ZNF521: variants seen among roughly 807,000 people sequenced by gnomAD.
ZNF521 encodes the protein zinc finger protein 521, also known as LYST-interacting protein 3.
A neutral mutation model predicts 105.5 loss-of-function variants in ZNF521; 14 were observed. The observed-to-expected ratio is 0.13, with a 90% CI of 0.09 to 0.21. The LOEUF is 0.21. Among genes scored for constraint, ZNF521 ranks in the 10% least tolerant of loss-of-function variants. The probability of loss-of-function intolerance (pLI) is 1.00; values close to 1 mark genes in which losing one functional copy is unlikely to be tolerated. For synonymous variants in ZNF521, 635 were observed against 606.0 expected (o/e 1.05, Z -0.70); for missense variants, 1,233 against 1,629.7 (o/e 0.76, Z 4.19).
At chr18:25,116,918 T>TATATGTGTATATATA (rs1567968550) in intron 5 of ZNF521, among the ~76,000 whole-genome samples, 2 of 139,348 alleles carry the variant, frequency 1.4e-5, no homozygotes, top group Non-Finnish European at 3.0e-5. Flanking sequence ...TATACGTATA[T>TATATGTGTATATATA]CTATGTATAT....
chr18:25,304,942 C>A (rs942830191), intron 3 of ZNF521, among the ~76,000 whole-genome samples: 1 of 152,204 alleles, frequency 6.6e-6, no homozygotes, highest in Non-Finnish European at 1.5e-5. Flanking sequence ...ACTCACATTT[C>A]TTTTGTGCCC....
At chr18:25,274,986 G>A (rs1255934733) in intron 3 of ZNF521, among the ~76,000 whole-genome samples, 1 of 152,096 alleles carries the variant, frequency 6.6e-6, no homozygotes, top group Non-Finnish European at 1.5e-5. Context: ...GCGGGTGGAG[G>A]GAACAGAAAT....
At chr18:25,206,152 A>G (rs1324997895) in intron 4 of ZNF521, among the ~76,000 whole-genome samples, 1 of 151,976 alleles carries the variant, frequency 6.6e-6, no homozygotes, top group Non-Finnish European at 1.5e-5. Context: ...TACAGGCATG[A>G]GCTACCTCGC....
chr18:25,157,338 G>A lies in ZNF521; in HGVS notation c.3658+37822C>T, dbSNP rs563619237. ...TGTTTAAAAAAGTCTACGATTTAGTGTGGTCAAGTTTATGAGGAATGGGTA... is the reference window on the plus strand; with the variant it reads ...TGTTTAAAAAAGTCTACGATTTAGTATGGTCAAGTTTATGAGGAATGGGTA... On this transcript the variant is annotated intron_variant, in intron 5 of 7. Coordinates refer to ENST00000361524, the MANE Select transcript of ZNF521 (RefSeq NM_015461.3). Among the ~76,000 whole-genome samples the A allele has an allele frequency of 3.0e-3, 459 of 152,314 alleles. 4 individuals carry two copies. Among genetic ancestry groups the A allele is most frequent in the Non-Finnish European group, 5.4e-3 (365 of 68,012 alleles).
chr18:25,254,650 C>T (rs1217082602), intron 3 of ZNF521, among the ~76,000 whole-genome samples: 1 of 152,048 alleles, frequency 6.6e-6, no homozygotes, highest in Non-Finnish European at 1.5e-5. Flanking sequence ...ATCTCCTAGA[C>T]ATAAAAGAAG....
chr18:25,062,545 C>A lies in ZNF521; in HGVS notation c.*167G>T. ...ATATACAAGGGGTCTATCCGGTGCG[C>A]AAAAGTTCAAACACATGAACATCCA... On this transcript the variant is annotated 3_prime_UTR_variant, in exon 8 of 8. Transcript: ENST00000361524. 1 of 914,958 alleles carries A rather than the reference C, an allele frequency of 1.1e-6. No homozygotes were observed. The highest frequency in any genetic ancestry group is 1.5e-5 in the South Asian group (1 of 65,114). The allele number at this position is 914,958 out of a possible 1,614,324, so 56.7% of individuals were successfully genotyped here. A position where few individuals can be genotyped will look rare whatever the true frequency, so the allele number is the denominator to read the frequency against.
intron 3 of ZNF521, among the ~76,000 whole-genome samples, chr18:25,312,462 T>C (rs1009659956): frequency 6.6e-6 from 1 of 152,156 alleles, no homozygotes; most frequent in Admixed American, 6.5e-5. Context: ...TAGGTAATGA[T>C]TGAACTGACC....
chr18:25,226,831 G>A lies in ZNF521; in HGVS notation c.1087C>T (p.Leu363Phe), dbSNP rs555923496. Residue 363 changes from leucine (L) to phenylalanine (F), a missense_variant, in exon 4 of 8, where the codon CTC (leucine) becomes TTC (phenylalanine). By Grantham distance (22) the Leu-to-Phe change is conservative. Around this residue, in one of 6 missense-constraint regions of ZNF521, gnomAD observed 380 missense variants for 478.0 expected, o/e 0.80. Coordinates refer to ENST00000361524, the MANE Select transcript of ZNF521 (RefSeq NM_015461.3). This position sits in a 1 kb window ranked among gnomAD's most constrained non-coding sequence, Gnocchi z 4.1. Reference sequence around the variant, plus strand: ...ACCATGGTTGAGCTGTCCACTGAGAGGTTGGAATCTGGAGTCGTACTGGAC... The same window carrying A: ...ACCATGGTTGAGCTGTCCACTGAGAAGTTGGAATCTGGAGTCGTACTGGAC... ...SVSSTTPDSN[L>F]SVDSSTMVEA... 1.2e-6 allele frequency: 2 copies of A among 1,614,056 alleles called. No homozygotes were observed. Among genetic ancestry groups the A allele is most frequent in the African/African-American group, 1.3e-5 (1 of 75,016 alleles).
At chr18:25,085,237 ATATAAG>A (rs751801225) in intron 7 of ZNF521, among the ~76,000 whole-genome samples, 12 of 149,644 alleles carry the variant, frequency 8.0e-5, no homozygotes, top group Non-Finnish European at 1.5e-4. Context: ...GTATATATAT[ATATAAG>A]TATAATATGA....
chr18:25,342,708 G>T (rs1306717323), intron 2 of ZNF521, among the ~76,000 whole-genome samples: 1 of 152,148 alleles, frequency 6.6e-6, no homozygotes, highest in Admixed American at 6.5e-5. Flanking sequence ...GATTACAGGC[G>T]TGAGCCACCG....
At chr18:25,273,220 C>CAAAAAAAAAAAAA (rs67381140) in intron 3 of ZNF521, among the ~76,000 whole-genome samples, 607 of 40,860 alleles carry the variant, frequency 0.015, 93 homozygotes, top group East Asian at 0.027. Context: ...ACCCTGTCTC[C>CAAAAAAAAAAAAA]AAAAAAAAAA....
chr18:25,212,312 C>G (rs1215939368), intron 4 of ZNF521, among the ~76,000 whole-genome samples: 1 of 150,950 alleles, frequency 6.6e-6, no homozygotes, highest in East Asian at 1.9e-4. Flanking sequence ...CAGTTCGAGA[C>G]CAGCCTGGCC....
chr18:25,146,925 T>C (rs957034214), intron 5 of ZNF521, among the ~76,000 whole-genome samples: 1 of 152,134 alleles, frequency 6.6e-6, no homozygotes, highest in Admixed American at 6.6e-5. Flanking sequence ...TCTTACGTGT[T>C]TGTAAATAAA....
chr18:25,349,519 C>T (rs1914610457), intron 2 of ZNF521, among the ~76,000 whole-genome samples: 1 of 152,212 alleles, frequency 6.6e-6, no homozygotes, highest in Non-Finnish European at 1.5e-5. Context: ...CCACCCCGTC[C>T]CTTCCCAGGA....
intron 7 of ZNF521, among the ~76,000 whole-genome samples, chr18:25,068,834 CTT>C (rs2033142486): frequency 6.6e-6 from 1 of 152,172 alleles, no homozygotes; most frequent in Non-Finnish European, 1.5e-5. Flanking sequence ...CTGTACGTGA[CTT>C]AAAATGCTAG....
intron 7 of ZNF521, 40 bp from the exon 8 acceptor site, chr18:25,062,781 A>T: frequency 7.3e-7 from 1 of 1,376,546 alleles, no homozygotes; most frequent in Non-Finnish European, 9.7e-7. Context: ...AAAAAAAAAA[A>T]AAAAGAGAAG....
chr18:25,350,031 G>A (rs1373206169), intron 2 of ZNF521, among the ~76,000 whole-genome samples: 1 of 151,824 alleles, frequency 6.6e-6, no homozygotes, highest in Non-Finnish European at 1.5e-5. Flanking sequence ...AGGTGGAGGA[G>A]GCGGCCGAGG....
At chr18:25,303,477 T>C (rs1003617004) in intron 3 of ZNF521, among the ~76,000 whole-genome samples, 2 of 152,076 alleles carry the variant, frequency 1.3e-5, no homozygotes, top group Non-Finnish European at 2.9e-5. Flanking sequence ...TTTGTAGTTT[T>C]AGTAGAGACG....
At position 25,231,209 on chromosome 18, in the gene ZNF521, C is replaced by T. The variant is rs568736138; in HGVS notation, c.221-3512G>A. 1.6e-4 allele frequency among the ~76,000 whole-genome samples: 25 copies of T among 152,268 alleles called. No individual in the cohort carries two copies. The South Asian group carries it at 5.0e-3, about 30-fold the overall frequency. On this transcript the variant is annotated intron_variant, in intron 3 of 7. Coordinates refer to ENST00000361524, the MANE Select transcript of ZNF521 (RefSeq NM_015461.3). ...GTCTTTGTTAGCCAGCCAGGCTTTC[C>T]GGACCATCTTCTGGCAGCAGAACGG...
Sources: gnomAD v4.1 joint callset for allele counts (sites outside exome capture counted in the v4.1 genomes callset) on GRCh38, gnomAD v4.1.1 for gene constraint, gnomAD v4.1.1 regional missense constraint, Gnocchi (gnomAD v3.1) non-coding constraint, MANE v1.5 for transcripts, NCBI Gene and HGNC (gene_info 2026-07-23, HGNC 2026-07-21) for gene names.